Variants in SPATA17 observed in about 807,000 individuals in gnomAD.
SPATA17 encodes spermatogenesis associated 17, also known as spermatogenesis-associated protein 17.
Under a neutral mutation model 62.2 loss-of-function variants are expected in SPATA17, and 53 were observed. That is an observed-to-expected ratio of 0.85 (90% CI 0.68 to 1.07). SPATA17 has a LOEUF of 1.07. Among genes scored for constraint, SPATA17 ranks in the 50% least tolerant of loss-of-function variants. The probability of loss-of-function intolerance (pLI) is 0.00; values close to 1 mark genes in which losing one functional copy is unlikely to be tolerated. For synonymous variants in SPATA17, 146 were observed against 146.8 expected (o/e 0.99, Z 0.04); for missense variants, 466 against 425.5 (o/e 1.10, Z -0.84).
intron 8 of SPATA17, among the ~76,000 whole-genome samples, chr1:217,795,866 G>A (rs1000878065): frequency 2.0e-5 from 3 of 151,890 alleles, no homozygotes; most frequent in African/African-American, 7.3e-5. Flanking sequence ...TGGCATGATC[G>A]TGACTCACGG....
intron 9 of SPATA17, among the ~76,000 whole-genome samples, chr1:217,838,987 A>C (rs1675327495): frequency 6.6e-6 from 1 of 152,074 alleles, no homozygotes; most frequent in African/African-American, 2.4e-5. Flanking sequence ...TTTAGAGGCT[A>C]TTTAAAAATT....
At chr1:217,651,658 G>A (rs111227071) in intron 3 of SPATA17, among the ~76,000 whole-genome samples, 3 of 152,146 alleles carry the variant, frequency 2.0e-5, no homozygotes, top group East Asian at 3.9e-4. Context: ...TGTTTCATAG[G>A]TATAAATAAG....
chr1:217,701,429 A>G (rs1209599494), intron 5 of SPATA17, among the ~76,000 whole-genome samples: 3 of 151,724 alleles, frequency 2.0e-5, no homozygotes, highest in Non-Finnish European at 4.4e-5. Flanking sequence ...CTTGTTGCCC[A>G]GGCTGGAGTG....
chr1:217,633,968 C>A (rs2102872397), intron 1 of SPATA17, among the ~76,000 whole-genome samples: 1 of 152,296 alleles, frequency 6.6e-6, no homozygotes, highest in African/African-American at 2.4e-5. Context: ...AAGAAGTGAG[C>A]AGCAAATACA....
At chr1:217,847,359 G>A (rs1186675835) in intron 9 of SPATA17, among the ~76,000 whole-genome samples, 2 of 152,014 alleles carry the variant, frequency 1.3e-5, no homozygotes, top group African/African-American at 2.4e-5. Flanking sequence ...CATGTCTTTT[G>A]TTTCAGATTC....
chr1:217,657,068 G>C (rs1223078255), intron 3 of SPATA17, among the ~76,000 whole-genome samples: 1 of 152,110 alleles, frequency 6.6e-6, no homozygotes, highest in Non-Finnish European at 1.5e-5. Context: ...CATTGTCTAA[G>C]ATGATGTGTT....
At chr1:217,824,242 C>T (rs1674934850) in intron 9 of SPATA17, among the ~76,000 whole-genome samples, 1 of 151,766 alleles carries the variant, frequency 6.6e-6, no homozygotes, top group Non-Finnish European at 1.5e-5. Flanking sequence ...ATTCATTTCA[C>T]TTAGTTACTA....
chr1:217,704,166 C>A lies in SPATA17; in HGVS notation c.395+20805C>A, dbSNP rs1458022877. 2.0e-5 allele frequency among the ~76,000 whole-genome samples: 3 copies of A among 146,974 alleles called. No individual in the cohort carries two copies. In the East Asian group the frequency reaches 6.0e-4, roughly 29 times the overall value. ...TGGGTGTACAGATTTTTTCGCCACC[C>A]AGATGATAAGTATAGCACCCAACGG... On this transcript the variant is annotated intron_variant, in intron 5 of 10. Coordinates refer to ENST00000366933, the MANE Select transcript of SPATA17 (RefSeq NM_138796.4).
At position 217,774,484 on chromosome 1, in the gene SPATA17, C is replaced by A. The variant is rs147646953; in HGVS notation, c.670C>A (p.Arg224Ser). 3 of 1,613,884 alleles carry A rather than the reference C, an allele frequency of 1.9e-6. No individual in the cohort carries two copies. The highest frequency in any genetic ancestry group is 2.5e-6 in the Non-Finnish European group (3 of 1,179,980). Residue 224 changes from arginine to serine, a missense_variant, in exon 7 of 11, where the codon CGT becomes AGT. Coordinates refer to ENST00000366933, the MANE Select transcript of SPATA17 (RefSeq NM_138796.4). ...TGATTGGCTAGCTTGTACAAGCGCC[C>A]GTTCTTTTCCTCGGTCTGAAATTCT... is the stretch of plus-strand genomic sequence containing the variant. ...LTDWLACTSA[R>S]SFPRSEILPP...
rs1232127246 is a variant in SPATA17 at position 217,867,105 on chromosome 1, AAT to A, written c.*90_*91del. On this transcript the variant is annotated 3_prime_UTR_variant, in exon 11 of 11. Coordinates refer to ENST00000366933, the MANE Select transcript of SPATA17 (RefSeq NM_138796.4). ...AAACACAGATGAAGATCCTGTAGGA[AAT>A]ATACTTGCTATGATTCAATAAACTA... The A allele has an allele frequency of 6.6e-6, 1 of 152,182 alleles. No individual in the cohort carries two copies. The highest frequency in any genetic ancestry group is 2.4e-5 in the African/African-American group (1 of 41,448). The allele number at this position is 152,182 out of a possible 1,614,324, so 9.4% of individuals were successfully genotyped here. A position where few individuals can be genotyped will look rare whatever the true frequency, so the allele number is the denominator to read the frequency against.
intron 5 of SPATA17, among the ~76,000 whole-genome samples, chr1:217,689,147 C>T (rs1387737196): frequency 1.3e-5 from 2 of 151,580 alleles, no homozygotes. Context: ...TTCGAGCTAG[C>T]CTTTATAGAG....
intron 7 of SPATA17, among the ~76,000 whole-genome samples, chr1:217,779,569 CT>C (rs1399065313): frequency 2.0e-5 from 3 of 151,702 alleles, no homozygotes; most frequent in Non-Finnish European, 4.4e-5. Flanking sequence ...ACACCTTCTC[CT>C]CTCTTTACTT....
intron 6 of SPATA17, among the ~76,000 whole-genome samples, chr1:217,748,302 C>CAA (rs61324067): frequency 0.51 from 53,760 of 105,558 alleles, 12,814 homozygotes; most frequent in Non-Finnish European, 0.62. Flanking sequence ...GACTCCATCT[C>CAA]AAAAAAAAAA....
chr1:217,681,478 A>T (rs1473855814), intron 4 of SPATA17, among the ~76,000 whole-genome samples: 1 of 151,822 alleles, frequency 6.6e-6, no homozygotes, highest in Non-Finnish European at 1.5e-5. Flanking sequence ...GGTTCAAGCG[A>T]TTCTTCTGCC....
At position 217,754,191 on chromosome 1, in the gene SPATA17, C is replaced by T. The variant is rs112804333; in HGVS notation, c.519+12093C>T. 1.5e-3 allele frequency among the ~76,000 whole-genome samples: 223 copies of T among 151,998 alleles called. 1 individual carries two copies. The highest frequency in any genetic ancestry group is 4.8e-3 in the African/African-American group (201 of 41,450). On this transcript the variant is annotated intron_variant, in intron 6 of 10. Coordinates refer to ENST00000366933, the MANE Select transcript of SPATA17 (RefSeq NM_138796.4). The stretch of plus-strand genomic sequence containing the variant: ...TCGAGGCTGCAGTGAGCCATGATCG[C>T]GCCACTGTACTCCAGCCTGGGCAAC...
At chr1:217,797,251 C>CTTTT (rs11360301) in intron 8 of SPATA17, among the ~76,000 whole-genome samples, 4 of 119,842 alleles carry the variant, frequency 3.3e-5, no homozygotes, top group African/African-American at 6.1e-5. Context: ...TTCTTTCTTT[C>CTTTT]TTTTTTTTTT....
chr1:217,783,528 A>G (rs1160329371), intron 8 of SPATA17, among the ~76,000 whole-genome samples: 1 of 152,068 alleles, frequency 6.6e-6, no homozygotes, highest in Non-Finnish European at 1.5e-5. Flanking sequence ...TTGAGGAGGT[A>G]GATTCATTTT....
intron 5 of SPATA17, among the ~76,000 whole-genome samples, chr1:217,719,962 G>A (rs918865123): frequency 6.6e-6 from 1 of 152,170 alleles, no homozygotes. Context: ...GGCTGGAATC[G>A]ATAAGCAAGG....
intron 5 of SPATA17, among the ~76,000 whole-genome samples, chr1:217,722,391 G>A (rs562399160): frequency 1.8e-4 from 27 of 151,428 alleles, no homozygotes; most frequent in African/African-American, 5.3e-4. Context: ...TATTTATATC[G>A]GCTCCACATT....
Sources: gnomAD v4.1 joint callset for allele counts (sites outside exome capture counted in the v4.1 genomes callset) on GRCh38, gnomAD v4.1.1 for gene constraint, MANE v1.5 for transcripts, NCBI Gene and HGNC (gene_info 2026-07-23, HGNC 2026-07-21) for gene names.